OTUD5: variants seen among roughly 807,000 people sequenced by gnomAD.
The protein encoded by OTUD5 is OTU deubiquitinase 5.
OTUD5 carries 2 observed loss-of-function variants against 36.3 expected under a neutral mutation model. The ratio of observed to expected loss-of-function variants is 0.06; its 90% CI spans 0.02 to 0.17. The LOEUF is 0.17. Ranked by LOEUF, OTUD5 falls within the 10% of genes least tolerant of loss-of-function variation. The pLI, the probability that OTUD5 is intolerant of heterozygous loss-of-function variation, is 1.00. For missense variants in OTUD5, 233 were observed against 512.3 expected (o/e 0.45, Z 5.26); for synonymous variants, 234 against 214.9 (o/e 1.09, Z -0.78).
chrX:48,925,752 T>C, intron 6 of OTUD5, 95 bp downstream of exon 6: 1 of 683,717 alleles, frequency 1.5e-6, no homozygotes, highest in Admixed American at 2.8e-5. Flanking sequence ...CCCTCCCAGA[T>C]GTCAAAACTG....
chrX:48,929,034 T>G (rs991010013), intron 5 of OTUD5, among the ~76,000 whole-genome samples: 8 of 110,716 alleles, frequency 7.2e-5, no homozygotes, highest in Non-Finnish European at 1.5e-4. Context: ...CATTACACAT[T>G]TGTCAAAACC....
chrX:48,932,710 G>A (rs782403037), intron 5 of OTUD5, among the ~76,000 whole-genome samples: 2 of 111,070 alleles, frequency 1.8e-5, no homozygotes, highest in East Asian at 2.8e-4. Context: ...TTGGGAGGCC[G>A]AGGCACAAGG....
chrX:48,941,697 C>T (rs781982930), intron 2 of OTUD5, among the ~76,000 whole-genome samples: 92 of 111,282 alleles, frequency 8.3e-4, no homozygotes, highest in African/African-American at 2.9e-3. Context: ...CAACTCTCTG[C>T]TCCACGTTCC....
intron 2 of OTUD5, among the ~76,000 whole-genome samples, chrX:48,938,197 T>C (rs1557050334): frequency 9.0e-6 from 1 of 111,480 alleles, no homozygotes; most frequent in African/African-American, 3.3e-5. Flanking sequence ...ATCACAGCTT[T>C]TGAGGGGGGA....
chrX:48,949,178 T>C (rs181837798), intron 1 of OTUD5, among the ~76,000 whole-genome samples: 1 of 111,871 alleles, frequency 8.9e-6, no homozygotes. Context: ...AAAAAGCCTC[T>C]CTAGTAGGCT....
chrX:48,944,509 CT>C (rs2063988423), intron 1 of OTUD5, among the ~76,000 whole-genome samples: 1 of 112,059 alleles, frequency 8.9e-6, no homozygotes, highest in Admixed American at 9.4e-5. Flanking sequence ...CCTAGGTGCC[CT>C]GAGAACAGTG....
chrX:48,927,375 G>A (rs1557047941), intron 5 of OTUD5, among the ~76,000 whole-genome samples: 1 of 111,217 alleles, frequency 9.0e-6, no homozygotes, highest in Non-Finnish European at 1.9e-5. Context: ...CACAGGTTGA[G>A]GGCTCAGTCC....
At chrX:48,955,540 G>A (rs1343562769) in intron 1 of OTUD5, among the ~76,000 whole-genome samples, 5 of 111,338 alleles carry the variant, frequency 4.5e-5, no homozygotes, top group Non-Finnish European at 5.7e-5. Flanking sequence ...TGTCCCTGAA[G>A]GAAAGCTCAA....
chrX:48,928,203 T>C (rs1338663964), intron 5 of OTUD5, among the ~76,000 whole-genome samples: 1 of 112,158 alleles, frequency 8.9e-6, no homozygotes, highest in African/African-American at 3.2e-5. Flanking sequence ...GGGAAGACAG[T>C]TTCTCAGTTC....
chrX:48,933,416 CTT>C (rs61012379), intron 5 of OTUD5, among the ~76,000 whole-genome samples: 221 of 90,613 alleles, frequency 2.4e-3, no homozygotes, highest in East Asian at 7.5e-3. Context: ...ATATTTGTAA[CTT>C]TTTTTTTTTT....
chrX:48,941,528 G>A (rs1557051056), intron 2 of OTUD5, among the ~76,000 whole-genome samples: 1 of 106,418 alleles, frequency 9.4e-6, no homozygotes, highest in Non-Finnish European at 1.9e-5. Context: ...TAATGGCCCT[G>A]AGCATGTCAT....
chrX:48,935,036 A>G lies in OTUD5; in HGVS notation c.689-18T>C, dbSNP rs781850611. 8.4e-7 allele frequency: 1 copy of G among 1,191,455 alleles called. No homozygotes were observed. Among genetic ancestry groups the G allele is most frequent in the Admixed American group, 2.2e-5 (1 of 45,597 alleles). ...CTGGTCAGCTGTGGGGGCAGAAGAAAGCAGCAGCTAGGGTCAGAGATGCCA... is the reference window on the plus strand; with the variant it reads ...CTGGTCAGCTGTGGGGGCAGAAGAAGGCAGCAGCTAGGGTCAGAGATGCCA... On this transcript the variant is annotated intron_variant, in intron 2 of 8. Coordinates refer to ENST00000376488, the MANE Select transcript of OTUD5 (RefSeq NM_001136157.2).
At chrX:48,946,750 G>T (rs1421782189) in intron 1 of OTUD5, among the ~76,000 whole-genome samples, 4 of 112,377 alleles carry the variant, frequency 3.6e-5, no homozygotes, top group Non-Finnish European at 7.5e-5. Context: ...GTCTCCAGCA[G>T]GGATGGTGCA....
intron 1 of OTUD5, among the ~76,000 whole-genome samples, chrX:48,946,541 CAA>C (rs1389773171): frequency 1.8e-5 from 2 of 112,086 alleles, no homozygotes; most frequent in African/African-American, 6.5e-5. Context: ...CTAGAGATGA[CAA>C]AGACACCTGG....
chrX:48,931,350 G>C (rs987956946), intron 5 of OTUD5, among the ~76,000 whole-genome samples: 26 of 112,395 alleles, frequency 2.3e-4, no homozygotes, highest in Non-Finnish European at 3.4e-4. Flanking sequence ...GTTTAAACAT[G>C]AGAAAAAGTC....
intron 2 of OTUD5, among the ~76,000 whole-genome samples, chrX:48,941,077 G>C (rs1045042751): frequency 9.0e-6 from 1 of 111,410 alleles, no homozygotes. Flanking sequence ...AAGGAACACA[G>C]CCAAGGTCAT....
intron 5 of OTUD5, among the ~76,000 whole-genome samples, chrX:48,931,787 A>T (rs2147569428): frequency 9.3e-6 from 1 of 107,352 alleles, no homozygotes; most frequent in Admixed American, 1.0e-4. Context: ...TTAAAAAAAA[A>T]AAAAAAAAAA....
intron 5 of OTUD5, among the ~76,000 whole-genome samples, chrX:48,931,613 T>C (rs1871700216): frequency 9.3e-6 from 1 of 107,276 alleles, no homozygotes; most frequent in South Asian, 4.1e-4. Context: ...ACCCCGTCTC[T>C]ACTAAAAATA....
intron 5 of OTUD5, among the ~76,000 whole-genome samples, chrX:48,933,096 T>G (rs781965908): frequency 5.4e-5 from 6 of 112,116 alleles, no homozygotes; most frequent in Non-Finnish European, 1.1e-4. Context: ...AGCTACATAC[T>G]GTACATTTCC....
Sources: allele counts gnomAD v4.1 joint callset (sites outside exome capture counted in the v4.1 genomes callset), GRCh38; gene constraint gnomAD v4.1.1; transcripts MANE v1.5; gene names NCBI Gene and HGNC (gene_info 2026-07-23, HGNC 2026-07-21).